The following ATIC variants were observed in gnomAD, a reference collection of about 807,000 sequenced individuals.
ATIC encodes the protein bifunctional purine biosynthesis protein ATIC.
ATIC carries 64 observed loss-of-function variants against 72.5 expected under a neutral mutation model. The observed-to-expected ratio is 0.88, with a 90% confidence interval of 0.72 to 1.09. The LOEUF (loss-of-function observed/expected upper bound fraction) is 1.09, where lower values mean the gene tolerates loss of function less well. Ranked by LOEUF, ATIC falls within the 50% of genes least tolerant of loss-of-function variation. The pLI is 0.00. For synonymous variants in ATIC, 281 were observed against 267.1 expected (o/e 1.05, Z -0.51); for missense variants, 787 against 732.4 (o/e 1.07, Z -0.86).
rs115746355 is a variant in ATIC, at chr2:215,327,214, G to A, written c.688+236G>A. ...ATGGAGATTGGAATGTCTCTGCCAC[G>A]TAGATCTTTTTGAAGACATGAGACA... On this transcript the variant is annotated intron_variant, in intron 7 of 15. Transcript: ENST00000236959. Among the ~76,000 whole-genome samples, 823 of 152,268 alleles carry A rather than the reference G, an allele frequency of 5.4e-3. 4 individuals carry two copies. The highest frequency in any genetic ancestry group is 8.5e-3 in the Non-Finnish European group (575 of 68,014).
intron 3 of ATIC, 98 bp from the exon 4 acceptor site, chr2:215,319,567 A>G (rs749861382): frequency 9.5e-5 from 88 of 923,668 alleles, no homozygotes; most frequent in Non-Finnish European, 1.4e-4. Context: ...TTTTTAATCA[A>G]TGGGATTTAA....
At chr2:215,358,588 C>G in the ATIC span, among the ~76,000 whole-genome samples, 1 of 152,108 alleles carries the variant, frequency 6.6e-6, no homozygotes, top group Non-Finnish European at 1.5e-5. Flanking sequence ...TTCCCCAAGA[C>G]AAAACTCTAT....
In ATIC at chr2:215,328,078, T is replaced by C. The variant is rs192220990; in HGVS notation, c.688+1100T>C. Among the ~76,000 whole-genome samples, 226 of 151,936 alleles carry C rather than the reference T, an allele frequency of 1.5e-3. 4 individuals carry two copies. In the East Asian group the frequency reaches 0.042, roughly 28 times the overall value. On this transcript the variant is annotated intron_variant, in intron 7 of 15. Coordinates refer to ENST00000236959, the MANE Select transcript of ATIC (RefSeq NM_004044.7). ...TAGTAGAGATGGGGTTTCACCATGT[T>C]GGCCAGGCTGGTCTCAAACTCCTGA... is the stretch of plus-strand genomic sequence containing the variant.
chr2:215,346,878 A>G lies in ATIC; in HGVS notation c.1440A>G (p.Thr480=), dbSNP rs778454270. The stretch of plus-strand genomic sequence containing the variant: ...AAGTGCTTTCGATGAAGTTTAAAAC[A>G]GGAGTGAAGAGAGCAGAAATCTCCA... ...HPQVLSMKFK[T]GVKRAEISNA... The change falls in exon 14 of 16, where the codon ACA becomes ACG. Residue 480 remains threonine, a synonymous_variant. Coordinates refer to ENST00000236959, the MANE Select transcript of ATIC (RefSeq NM_004044.7). 1.9e-6 allele frequency: 3 copies of G among 1,614,220 alleles called. No individual in the cohort carries two copies. Among genetic ancestry groups the G allele is most frequent in the South Asian group, 1.1e-5 (1 of 91,076 alleles).
At chr2:215,333,061 A>G (rs113864137) in intron 8 of ATIC, among the ~76,000 whole-genome samples, 4 of 152,046 alleles carry the variant, frequency 2.6e-5, no homozygotes, top group Non-Finnish European at 5.9e-5. Flanking sequence ...GAACAGAGAG[A>G]AAGAGTGAGT....
intron 12 of ATIC, among the ~76,000 whole-genome samples, chr2:215,339,796 G>A (rs915783673): frequency 3.3e-4 from 50 of 151,968 alleles, no homozygotes; most frequent in Non-Finnish European, 6.5e-4. Context: ...CACAACGCCT[G>A]GCTAATTTTT....
chr2:215,349,502 A>C (rs1477298041), intron 15 of ATIC, 34 bp from the exon 16 acceptor site: 2 of 1,613,908 alleles, frequency 1.2e-6, no homozygotes, highest in Non-Finnish European at 1.7e-6. Context: ...TTTTACATAA[A>C]ATCGCGTTTT....
downstream of ATIC, among the ~76,000 whole-genome samples, chr2:215,354,412 C>T (rs1050753439): frequency 5.9e-5 from 9 of 152,120 alleles, no homozygotes; most frequent in Non-Finnish European, 1.0e-4. Context: ...CCTTTGTTGG[C>T]ACTCTGGGTT....
downstream of ATIC, among the ~76,000 whole-genome samples, chr2:215,353,481 TCTC>T (rs1181264982): frequency 1.3e-5 from 2 of 152,170 alleles, no homozygotes; most frequent in Non-Finnish European, 2.9e-5. Context: ...GCCTCCAGTT[TCTC>T]CTCTTGTGTT....
chr2:215,326,982 A>G lies in ATIC; in HGVS notation c.688+4A>G. On this transcript the variant is annotated splice_donor_region_variant and intron_variant, in intron 7 of 15. Coordinates refer to ENST00000236959, the MANE Select transcript of ATIC (RefSeq NM_004044.7). ...CAGCCCAAGCTTCCCATCACAGGTA[A>G]AGCCCGAGCGTTCTGTGGCATGGTT... is the stretch of plus-strand genomic sequence containing the variant. 1 of 1,614,122 alleles carries G rather than the reference A, an allele frequency of 6.2e-7. No individual in the cohort carries two copies. Among genetic ancestry groups the G allele is most frequent in the Non-Finnish European group, 8.5e-7 (1 of 1,180,018 alleles).
rs1041530499 is a variant in ATIC at position 215,344,781 on chromosome 2, G to T, written c.1230G>T (p.Leu410Phe). 2 of 1,613,698 alleles carry T rather than the reference G, an allele frequency of 1.2e-6. No homozygotes were observed. The highest frequency in any genetic ancestry group is 1.7e-5 in the Admixed American group (1 of 59,996). The change falls in exon 13 of 16, where the codon TTG (leucine) becomes TTT (phenylalanine). Residue 410 changes from leucine (L) to phenylalanine (F), a missense_variant and splice_region_variant. By Grantham distance (22) the Leu-to-Phe change is conservative. Transcript: ENST00000236959. The stretch of plus-strand genomic sequence containing the variant: ...TTACCATTGTGTATGTGTTTCAGTT[G>T]CCAGAGTCTGCCCTCCGAGACCTCA... ...FSNVVTKNKD[L>F]PESALRDLIV...
the ATIC span, chr2:215,364,606 T>C: frequency 1.9e-6 from 1 of 534,636 alleles, no homozygotes; most frequent in Non-Finnish European, 3.4e-6. Context: ...TGACAGGTGT[T>C]GCTATTAAGA....
the ATIC span, chr2:215,361,749 G>A: frequency 7.9e-6 from 8 of 1,018,216 alleles, no homozygotes; most frequent in Admixed American, 1.5e-4. Flanking sequence ...TTTCTTCCTA[G>A]TTTCAAGAAC....
At chr2:215,327,068 G>A in intron 7 of ATIC, 90 bp downstream of exon 7, 1 of 1,585,144 alleles carries the variant, frequency 6.3e-7, no homozygotes, top group Non-Finnish European at 8.7e-7. Context: ...ACATTCAGAA[G>A]ATGATACATT....
intron 13 of ATIC, chr2:215,345,134 C>CT: frequency 2.0e-6 from 1 of 503,544 alleles, no homozygotes; most frequent in East Asian, 3.6e-5. Flanking sequence ...TAGTGAGACT[C>CT]TAATAGCTGT....
In ATIC at chr2:215,334,928, G is replaced by A. The variant is rs764313284; in HGVS notation, c.932G>A (p.Arg311Lys). The change falls in exon 10 of 16, where the codon AGG becomes AAG. Residue 311 changes from arginine to lysine, a missense_variant. Physicochemically the swap from Arg to Lys is conservative, Grantham distance 26. Transcript: ENST00000236959. ...AAYARARGAD[R>K]MSSFGDFVAL... ...TTAATTTTATTTACAGGGGCTGATA[G>A]GATGTCTTCATTTGGTGATTTTGTT... 1.1e-5 allele frequency: 17 copies of A among 1,613,042 alleles called. No individual in the cohort carries two copies. Among genetic ancestry groups the A allele is most frequent in the African/African-American group, 5.3e-5 (4 of 74,898 alleles).
At chr2:215,313,540 G>T (rs1310809456) in intron 2 of ATIC, among the ~76,000 whole-genome samples, 3 of 152,144 alleles carry the variant, frequency 2.0e-5, no homozygotes, top group Non-Finnish European at 4.4e-5. Flanking sequence ...TTAATAAACG[G>T]CAGTGAGAGT....
the ATIC span, chr2:215,360,796 G>A: frequency 6.6e-5 from 10 of 152,650 alleles, no homozygotes; most frequent in African/African-American, 2.4e-4. Context: ...TTGCTGAATT[G>A]AAAAAGAATA....
At chr2:215,349,452 A>C in intron 15 of ATIC, 84 bp from the exon 16 acceptor site, 1 of 1,605,830 alleles carries the variant, frequency 6.2e-7, no homozygotes, top group Non-Finnish European at 8.5e-7. Flanking sequence ...TATCTTTGTT[A>C]GCATATGCTT....
Sources: gnomAD v4.1 joint callset for allele counts (sites outside exome capture counted in the v4.1 genomes callset) on GRCh38, gnomAD v4.1.1 for gene constraint, MANE v1.5 for transcripts, NCBI Gene and HGNC (gene_info 2026-07-23, HGNC 2026-07-21) for gene names.